The following CRYBG1 variants were observed in gnomAD, a reference collection of about 807,000 sequenced individuals.
The protein encoded by CRYBG1 is crystallin beta-gamma domain containing 1.
Under a neutral mutation model 189.2 loss-of-function variants are expected in CRYBG1, and 139 were observed. That is an observed-to-expected ratio of 0.73 (90% CI 0.64 to 0.85). CRYBG1 has a LOEUF of 0.85. CRYBG1 is among the 40% of genes least tolerant of loss of function. The pLI, the probability that CRYBG1 is intolerant of heterozygous loss-of-function variation, is 0.00. For synonymous variants in CRYBG1, 1,023 were observed against 1,017.1 expected (o/e 1.01, Z -0.11); for missense variants, 2,611 against 2,675.8 (o/e 0.98, Z 0.53).
intron 2 of CRYBG1, among the ~76,000 whole-genome samples, chr6:106,481,059 C>T (rs1300571015): frequency 3.5e-5 from 3 of 85,328 alleles, no homozygotes; most frequent in African/African-American, 5.3e-5. Context: ...CTGCAAGCTC[C>T]GCCTCCCGGG....
chr6:106,487,531 G>A (rs775512317), intron 2 of CRYBG1, among the ~76,000 whole-genome samples: 8 of 152,084 alleles, frequency 5.3e-5, no homozygotes, highest in Non-Finnish European at 8.8e-5. Context: ...TTTCTAGTCT[G>A]TTGTTGAAGC....
At chr6:106,370,414 A>T (rs1441485448) in intron 1 of CRYBG1, among the ~76,000 whole-genome samples, 1 of 152,218 alleles carries the variant, frequency 6.6e-6, no homozygotes, top group Non-Finnish European at 1.5e-5. Context: ...TTTCTCAAGT[A>T]GTTGCTTTAC....
chr6:106,439,687 G>A (rs1771532733), intron 1 of CRYBG1, among the ~76,000 whole-genome samples: 1 of 151,812 alleles, frequency 6.6e-6, no homozygotes, highest in African/African-American at 2.4e-5. Flanking sequence ...TGTACTGGAA[G>A]CCTCAACCAG....
intron 1 of CRYBG1, among the ~76,000 whole-genome samples, chr6:106,364,562 C>T (rs1035363360): frequency 6.6e-6 from 1 of 152,080 alleles, no homozygotes; most frequent in African/African-American, 2.4e-5. Context: ...TTATTTTTCA[C>T]AAAGATAGAG....
chr6:106,423,694 CCT>C (rs1491125405), intron 1 of CRYBG1, among the ~76,000 whole-genome samples: 9,517 of 101,008 alleles, frequency 0.094, 2,353 homozygotes, highest in South Asian at 0.13. Context: ...TTCTCCCTCC[CCT>C]TTTTTTTTTT....
chr6:106,552,187 T>A lies in CRYBG1; in HGVS notation c.5443T>A (p.Ser1815Thr). The A allele has an allele frequency of 6.3e-7, 1 of 1,587,868 alleles. No individual in the cohort carries two copies. Among genetic ancestry groups the A allele is most frequent in the South Asian group, 1.1e-5 (1 of 87,050 alleles). The change falls in exon 15 of 22, where the codon TCT becomes ACT. Residue 1815 changes from serine to threonine, a missense_variant. Coordinates refer to ENST00000633556, the MANE Select transcript of CRYBG1 (RefSeq NM_001371242.2). ...TCCTTCCTTTAAAAATTTTTAGGAT[T>A]CTTTCACTGGCCCAAGGAGACGAAA... Reference protein sequence around the residue: ...ISSVQPICLDSFTGPRRRNQI... With the variant: ...ISSVQPICLDTFTGPRRRNQI...
At chr6:106,445,333 T>C (rs1771646259) in intron 1 of CRYBG1, among the ~76,000 whole-genome samples, 1 of 152,162 alleles carries the variant, frequency 6.6e-6, no homozygotes, top group African/African-American at 2.4e-5. Context: ...TTGGGTGGGT[T>C]CTCTACTCCT....
rs543404497 is a variant in CRYBG1 at position 106,470,571 on chromosome 6, C to CA, written c.312+18749dup. Among the ~76,000 whole-genome samples the CA allele has an allele frequency of 9.8e-4, 145 of 147,604 alleles. 2 individuals carry two copies. In the South Asian group the frequency reaches 0.025, roughly 25 times the overall value. On this transcript the variant is annotated intron_variant, in intron 2 of 21. Coordinates refer to ENST00000633556, the MANE Select transcript of CRYBG1 (RefSeq NM_001371242.2). ...TGGGTGACAGAGCAAGGCTTCATCT[C>CA]AAAAAAAAAATTATATATATAAATA...
At position 106,568,469 on chromosome 6, in the gene CRYBG1, T is replaced by A. The variant is rs745352285; in HGVS notation, c.6302-3T>A. On this transcript the variant is annotated splice_polypyrimidine_tract_variant and splice_region_variant and intron_variant, in intron 21 of 21. Transcript: ENST00000633556. ...CATCTTTTATTATTTTCCTTTCTTT[T>A]AGGGGGCACACAGTATGATCAAAAT... 1 of 1,610,564 alleles carries A rather than the reference T, an allele frequency of 6.2e-7. No homozygotes were observed. Among genetic ancestry groups the A allele is most frequent in the Non-Finnish European group, 8.5e-7 (1 of 1,176,856 alleles).
chr6:106,416,494 C>T (rs75569770), intron 1 of CRYBG1, among the ~76,000 whole-genome samples: 2,986 of 152,266 alleles, frequency 0.02, 92 homozygotes, highest in African/African-American at 0.068. Context: ...AAAAATGGGG[C>T]CTGACAGTTG....
rs761327662 is a variant in CRYBG1 at position 106,527,387 on chromosome 6, G to A, written c.4495G>A (p.Gly1499Ser). The A allele has an allele frequency of 1.7e-5, 28 of 1,613,666 alleles. No homozygotes were observed. ...EGELELSGLW[G>S]IEDILERHEE... is the part of the protein sequence containing the mutation. Reference sequence around the variant, plus strand: ...AGAATTGGAACTCTCTGGTCTCTGGGGTATAGAAGACATTTTGGAAAGGCA... The same window carrying A: ...AGAATTGGAACTCTCTGGTCTCTGGAGTATAGAAGACATTTTGGAAAGGCA... Residue 1499 changes from glycine to serine, a missense_variant, in exon 7 of 22, where the codon GGT becomes AGT. Coordinates refer to ENST00000633556, the MANE Select transcript of CRYBG1 (RefSeq NM_001371242.2).
rs940095132 is a variant in CRYBG1 at position 106,360,907 on chromosome 6, C to A, written c.-2C>A. ...CAGTCGGAGCGGGAGGAGGACAAGA[C>A]GATGCCGCTGTCCCCGCCAGCCCAG... is the stretch of plus-strand genomic sequence containing the variant. On this transcript the variant is annotated 5_prime_UTR_variant, in exon 1 of 22. Transcript: ENST00000633556. The A allele has an allele frequency of 1.1e-5, 17 of 1,531,786 alleles. No individual in the cohort carries two copies. The Admixed American group carries it at 2.4e-4, about 21-fold the overall frequency. The allele number at this position is 1,531,786 out of a possible 1,614,324, so 94.9% of individuals were successfully genotyped here.
intron 3 of CRYBG1, among the ~76,000 whole-genome samples, chr6:106,516,345 T>G (rs1773419404): frequency 6.6e-6 from 1 of 152,062 alleles, no homozygotes. Context: ...GCAATTCTCC[T>G]GCCTCAGCCT....
chr6:106,525,277 T>C lies in CRYBG1; in HGVS notation c.4303T>C (p.Tyr1435His), dbSNP rs757118713. The change falls in exon 6 of 22, where the codon TAT (tyrosine) becomes CAT (histidine). Residue 1435 changes from tyrosine (Y) to histidine (H), a missense_variant. Around this residue, in one of 3 missense-constraint regions of CRYBG1, gnomAD observed 1,622 missense variants for 1,735.0 expected, o/e 0.93. Transcript: ENST00000633556. ...TTTCGTTTTCTTGCAGGTAGTGATA[T>C]ATAGTGAACCCGACGTCTCTGAGAA... ...LNPRPGKVVI[Y>H]SEPDVSEKCI... 4.3e-6 allele frequency: 7 copies of C among 1,613,936 alleles called. No individual in the cohort carries two copies. The highest frequency in any genetic ancestry group is 3.3e-5 in the Admixed American group (2 of 60,006).
intron 21 of CRYBG1, 87 bp downstream of exon 21, chr6:106,564,013 G>T (rs150648659): frequency 1.5e-6 from 2 of 1,370,450 alleles, no homozygotes; most frequent in East Asian, 4.7e-5. Flanking sequence ...TGAAAATGAT[G>T]AATGTATTAT....
chr6:106,524,973 C>CA (rs1257463282), intron 4 of CRYBG1, among the ~76,000 whole-genome samples, 160 bp from the exon 5 acceptor site: 3 of 152,102 alleles, frequency 2.0e-5, no homozygotes, highest in Non-Finnish European at 4.4e-5. Flanking sequence ...AGCATAAACT[C>CA]AAAGAGTTTT....
chr6:106,525,270 A>G lies in CRYBG1; in HGVS notation c.4296A>G (p.Val1432=). The change falls in exon 6 of 22, where the codon GTA becomes GTG. Residue 1432 remains valine, a splice_region_variant and synonymous_variant. Coordinates refer to ENST00000633556, the MANE Select transcript of CRYBG1 (RefSeq NM_001371242.2). ...CTACCACTTTCGTTTTCTTGCAGGT[A>G]GTGATATATAGTGAACCCGACGTCT... ...QNKLNPRPGK[V]VIYSEPDVSE... 6.2e-7 allele frequency: 1 copy of G among 1,613,978 alleles called. No individual in the cohort carries two copies. Among genetic ancestry groups the G allele is most frequent in the Non-Finnish European group, 8.5e-7 (1 of 1,179,874 alleles).
chr6:106,378,436 T>G (rs1770218441), intron 1 of CRYBG1, among the ~76,000 whole-genome samples: 1 of 152,208 alleles, frequency 6.6e-6, no homozygotes, highest in Non-Finnish European at 1.5e-5. Context: ...TCGGCACTGT[T>G]GCCCACTCAC....
chr6:106,451,961 T>C (rs888638497), intron 2 of CRYBG1, 129 bp downstream of exon 2: 1 of 460,664 alleles, frequency 2.2e-6, no homozygotes, highest in African/African-American at 2.1e-5. Context: ...ATAAATTATA[T>C]ATATCATATG....
Sources: allele counts gnomAD v4.1 joint callset (sites outside exome capture counted in the v4.1 genomes callset), GRCh38; gene constraint gnomAD v4.1.1; regional missense constraint gnomAD v4.1.1; transcripts MANE v1.5; gene names NCBI Gene and HGNC (gene_info 2026-07-23, HGNC 2026-07-21).